The following SORCS3 variants were observed in gnomAD, a reference collection of about 807,000 sequenced individuals.
SORCS3 encodes VPS10 domain-containing receptor SorCS3.
In SORCS3, 57 loss-of-function variants were observed where a neutral mutation model predicts 146.3. The ratio of observed to expected loss-of-function variants is 0.39; its 90% confidence interval spans 0.31 to 0.49. The LOEUF is 0.49. Ranked by LOEUF, SORCS3 falls within the 20% of genes least tolerant of loss-of-function variation. The probability of loss-of-function intolerance (pLI) is 0.92; values close to 1 mark genes in which losing one functional copy is unlikely to be tolerated. For missense variants in SORCS3, 1,341 were observed against 1,575.5 expected (o/e 0.85, Z 2.52); for synonymous variants, 653 against 618.5 (o/e 1.06, Z -0.83).
intron 3 of SORCS3, among the ~76,000 whole-genome samples, chr10:104,919,402 C>T (rs1031212942): frequency 2.6e-5 from 4 of 151,110 alleles, no homozygotes; most frequent in Admixed American, 6.6e-5. Context: ...TAGAAATTAA[C>T]GTTTGTAGCC....
At chr10:105,244,199 G>T (rs1286799776) in intron 20 of SORCS3, among the ~76,000 whole-genome samples, 1 of 151,968 alleles carries the variant, frequency 6.6e-6, no homozygotes, top group African/African-American at 2.4e-5. Flanking sequence ...TGACTCATCA[G>T]ACTGAAGATC....
intron 2 of SORCS3, among the ~76,000 whole-genome samples, chr10:104,865,906 T>A (rs1185728927): frequency 6.6e-6 from 1 of 152,252 alleles, no homozygotes; most frequent in African/African-American, 2.4e-5. Context: ...TGCAGTACTC[T>A]GTCCTTGGTG....
chr10:104,834,260 G>A (rs2018040552), intron 1 of SORCS3, among the ~76,000 whole-genome samples: 1 of 152,096 alleles, frequency 6.6e-6, no homozygotes, highest in Non-Finnish European at 1.5e-5. Context: ...TCCTCTGGTG[G>A]TTTCCCATCT....
In SORCS3 at chr10:105,134,576, C is replaced by T. The variant is rs149199773; in HGVS notation, c.1213-4821C>T. Among the ~76,000 whole-genome samples the T allele has an allele frequency of 5.2e-4, 79 of 151,100 alleles. No individual in the cohort carries two copies. In the East Asian group the frequency reaches 0.015, roughly 28 times the overall value. On this transcript the variant is annotated intron_variant, in intron 7 of 26. Transcript: ENST00000369701. ...AAAGGAAAAAAAAAAAAAAAAGAAGCCTAGCTAGTTTTCTCCAGCCCTTTT... is the reference window on the plus strand; with the variant it reads ...AAAGGAAAAAAAAAAAAAAAAGAAGTCTAGCTAGTTTTCTCCAGCCCTTTT...
chr10:104,928,866 A>G (rs554772676), intron 3 of SORCS3, among the ~76,000 whole-genome samples: 1 of 152,338 alleles, frequency 6.6e-6, no homozygotes, highest in African/African-American at 2.4e-5. Flanking sequence ...GAGCAGATGC[A>G]GACAGTCAGC....
intron 1 of SORCS3, among the ~76,000 whole-genome samples, chr10:104,754,327 G>T (rs552095106): frequency 4.8e-4 from 73 of 152,218 alleles, no homozygotes; most frequent in Admixed American, 2.3e-3. Flanking sequence ...CAGACCCCAC[G>T]CAGGGCCTCC....
At chr10:104,722,316 C>G (rs1479966823) in intron 1 of SORCS3, among the ~76,000 whole-genome samples, 1 of 152,138 alleles carries the variant, frequency 6.6e-6, no homozygotes, top group Non-Finnish European at 1.5e-5. Flanking sequence ...CCTTGCATCC[C>G]AGGGATGAAG....
intron 4 of SORCS3, among the ~76,000 whole-genome samples, chr10:104,983,309 A>G (rs2054942347): frequency 6.6e-6 from 1 of 152,042 alleles, no homozygotes; most frequent in East Asian, 1.9e-4. Flanking sequence ...CCCAGCCCCA[A>G]GCATGCTTTT....
chr10:105,188,026 T>C (rs1256287356), intron 14 of SORCS3, among the ~76,000 whole-genome samples: 1 of 151,988 alleles, frequency 6.6e-6, no homozygotes, highest in African/African-American at 2.4e-5. Context: ...TGTGTGTAAC[T>C]GAGTAAAAGA....
At chr10:104,681,526 G>A (rs1014752680) in intron 1 of SORCS3, among the ~76,000 whole-genome samples, 3 of 152,214 alleles carry the variant, frequency 2.0e-5, no homozygotes, top group African/African-American at 7.2e-5. Flanking sequence ...AGTTCAGGTT[G>A]ATTTTGCTTA....
intron 5 of SORCS3, among the ~76,000 whole-genome samples, chr10:105,060,178 A>C (rs1312463269): frequency 6.6e-6 from 1 of 152,178 alleles, no homozygotes; most frequent in Non-Finnish European, 1.5e-5. Context: ...CAATTTCAAC[A>C]GGCAAGCTTG....
intron 3 of SORCS3, among the ~76,000 whole-genome samples, chr10:104,936,870 T>A (rs2019265525): frequency 6.6e-6 from 1 of 152,188 alleles, no homozygotes; most frequent in Non-Finnish European, 1.5e-5. Flanking sequence ...GGAAACATAA[T>A]CTATCAAGTG....
chr10:104,799,271 A>G (rs188352208), intron 1 of SORCS3, among the ~76,000 whole-genome samples: 127 of 152,356 alleles, frequency 8.3e-4, no homozygotes, highest in African/African-American at 2.9e-3. Flanking sequence ...ACTATTCACA[A>G]TAACAAAGAC....
intron 1 of SORCS3, among the ~76,000 whole-genome samples, chr10:104,775,788 AG>A (rs1212119810): frequency 6.6e-6 from 1 of 152,182 alleles, no homozygotes; most frequent in Non-Finnish European, 1.5e-5. Context: ...TCTAAAGCTT[AG>A]AAGAAACAGC....
intron 4 of SORCS3, among the ~76,000 whole-genome samples, chr10:104,988,598 G>C (rs994816197): frequency 2.6e-5 from 4 of 152,172 alleles, no homozygotes; most frequent in Non-Finnish European, 5.9e-5. Flanking sequence ...CAAGGTGTTT[G>C]TCATTTAAAT....
intron 20 of SORCS3, among the ~76,000 whole-genome samples, chr10:105,225,264 T>G (rs2056727419): frequency 6.6e-6 from 1 of 152,120 alleles, no homozygotes; most frequent in African/African-American, 2.4e-5. Flanking sequence ...TTTAAAGGCA[T>G]AAGGTTTATA....
intron 1 of SORCS3, among the ~76,000 whole-genome samples, chr10:104,830,804 A>G (rs78632566): frequency 1.0e-3 from 153 of 152,086 alleles, no homozygotes; most frequent in African/African-American, 3.5e-3. Context: ...GCCTAATATA[A>G]TGCAATAACT....
intron 1 of SORCS3, among the ~76,000 whole-genome samples, chr10:104,727,545 G>GTGTATA (rs577859799): frequency 1.4e-5 from 2 of 147,882 alleles, no homozygotes; most frequent in African/African-American, 5.0e-5. Flanking sequence ...ATGTGTGTGT[G>GTGTATA]TATATATATA....
Position 104,977,389 on chromosome 10 carries a change from G to A in SORCS3, c.850G>A (p.Glu284Lys), listed in dbSNP as rs762674027. The change falls in exon 4 of 27, where the codon GAA becomes AAA. Residue 284 changes from glutamate (E) to lysine (K), a missense_variant. Coordinates refer to ENST00000369701, the MANE Select transcript of SORCS3 (RefSeq NM_014978.3). ...GAGCAGCATATTGATCAGCTCAGAC[G>A]AAGGGGCGACCTATCAGAAGTATCG... ...MESSILISSD[E>K]GATYQKYRLT... is the part of the protein sequence containing the mutation. The A allele has an allele frequency of 9.3e-6, 15 of 1,613,790 alleles. No individual in the cohort carries two copies. Among genetic ancestry groups the A allele is most frequent in the East Asian group, 2.2e-5 (1 of 44,826 alleles).
Sources: allele counts gnomAD v4.1 joint callset (sites outside exome capture counted in the v4.1 genomes callset), GRCh38; gene constraint gnomAD v4.1.1; transcripts MANE v1.5; gene names NCBI Gene and HGNC (gene_info 2026-07-23, HGNC 2026-07-21).